Variants in RFC2 observed in about 807,000 individuals in gnomAD.
RFC2 encodes A1 40 kDa subunit.
In RFC2, 34 loss-of-function variants were observed where a neutral mutation model predicts 44.8. The ratio of observed to expected loss-of-function variants is 0.76; its 90% CI spans 0.58 to 1.01. The LOEUF is 1.01. RFC2 is among the 50% of genes least tolerant of loss of function. The probability of loss-of-function intolerance (pLI) is 0.00; values close to 1 mark genes in which losing one functional copy is unlikely to be tolerated. For synonymous variants in RFC2, 177 were observed against 168.9 expected, an observed-to-expected ratio of 1.05 and a Z score of -0.37; for missense variants, 400 against 453.6, an observed-to-expected ratio of 0.88 and a Z score of 1.07.
chr7:74,247,706 C>T (rs974289048), intron 4 of RFC2, among the ~76,000 whole-genome samples: 1 of 152,138 alleles, frequency 6.6e-6, no homozygotes, highest in African/African-American at 2.4e-5. Flanking sequence ...CCAATAGCAA[C>T]ATTCTAAATG....
At chr7:74,241,338 C>A (rs1803318947) in intron 6 of RFC2, among the ~76,000 whole-genome samples, 4 of 152,172 alleles carry the variant, frequency 2.6e-5, no homozygotes, top group Admixed American at 1.3e-4. Flanking sequence ...TGGTGCCTGG[C>A]GGCTACTAAG....
At chr7:74,235,675 A>C (rs782222771) in intron 9 of RFC2, 30 bp from the exon 10 acceptor site, 52 of 1,404,466 alleles carry the variant, frequency 3.7e-5, no homozygotes, top group Non-Finnish European at 4.9e-5. Context: ...AAGGCTGCTT[A>C]CCACTTTAAA....
At chr7:74,245,714 CAAA>C (rs1182981268) in intron 5 of RFC2, among the ~76,000 whole-genome samples, 5 of 65,868 alleles carry the variant, frequency 7.6e-5, no homozygotes, top group Non-Finnish European at 1.0e-4. Flanking sequence ...CTCCGTCTCA[CAAA>C]AAAAAAAAAA....
chr7:74,240,796 C>T (rs1200020685), intron 6 of RFC2, among the ~76,000 whole-genome samples: 1 of 152,188 alleles, frequency 6.6e-6, no homozygotes, highest in Non-Finnish European at 1.5e-5. Flanking sequence ...AACCCAGTTT[C>T]TTTCTTTTTT....
chr7:74,247,006 C>T (rs1402200770), intron 4 of RFC2, among the ~76,000 whole-genome samples: 2 of 144,178 alleles, frequency 1.4e-5, no homozygotes, highest in African/African-American at 2.6e-5. Context: ...GACAGGGTCT[C>T]GCTGTGTCAT....
rs143077432 is a variant in RFC2 at position 74,243,201 on chromosome 7, G to T, written c.480C>A (p.Ile160=). 6.2e-6 allele frequency: 10 copies of T among 1,613,902 alleles called. No individual in the cohort carries two copies. Among genetic ancestry groups the T allele is most frequent in the Middle Eastern group, 1.6e-4 (1 of 6,084 alleles). Residue 160 remains isoleucine, a synonymous_variant, in exon 6 of 11, where the codon ATC becomes ATA. Transcript: ENST00000055077. Reference sequence around the variant, plus strand: ...GGGCGAAGCGAGTGGTTTTAGAGTAGATTTCCATGGTTCTCCTCAAGGCTT... The same window carrying T: ...GGGCGAAGCGAGTGGTTTTAGAGTATATTTCCATGGTTCTCCTCAAGGCTT... ...AQQALRRTME[I]YSKTTRFALA... is the part of the protein sequence containing the mutation.
chr7:74,232,796 C>T (rs1249486572), intron 10 of RFC2, among the ~76,000 whole-genome samples: 1 of 151,884 alleles, frequency 6.6e-6, no homozygotes, highest in Admixed American at 6.6e-5. Context: ...ACCTGGGAGG[C>T]GAAGGTTGCA....
In RFC2 at chr7:74,240,012, C is replaced by A; in HGVS notation, c.619G>T (p.Glu207Ter). 1 of 1,614,008 alleles carries A rather than the reference C, an allele frequency of 6.2e-7. No individual in the cohort carries two copies. The highest frequency in any genetic ancestry group is 8.5e-7 in the Non-Finnish European group (1 of 1,179,942). The change falls in exon 7 of 11, where the codon GAG (glutamate) becomes TAG (stop). Residue 207 changes from glutamate to a stop codon, truncating the protein, a stop_gained. Coordinates refer to ENST00000055077, the MANE Select transcript of RFC2 (RefSeq NM_181471.3). LOFTEE classifies it high-confidence loss of function. ...QILTRLMNVIEKERVPYTDDG... is the reference protein window; with the variant it reads ...QILTRLMNVI ...TCAGTGTAGGGTACCCTCTCCTTCT[C>A]GATAACATTCATCAGCCTGGTGAGG...
intron 7 of RFC2, 104 bp from the exon 8 acceptor site, chr7:74,239,092 G>T (rs1554718849): frequency 2.3e-6 from 2 of 882,116 alleles, no homozygotes; most frequent in African/African-American, 3.4e-5. Context: ...CGAACTCCTG[G>T]GCTTAAGCGA....
At chr7:74,247,865 C>T (rs1788850062) in intron 4 of RFC2, among the ~76,000 whole-genome samples, 1 of 152,154 alleles carries the variant, frequency 6.6e-6, no homozygotes, top group African/African-American at 2.4e-5. Flanking sequence ...GGTGCTAGGC[C>T]CTTCCTCAGA....
At chr7:74,243,378 C>T in intron 5 of RFC2, 132 bp from the exon 6 acceptor site, 1 of 648,866 alleles carries the variant, frequency 1.5e-6, no homozygotes, top group Non-Finnish European at 2.8e-6. Flanking sequence ...GTACGCAGGC[C>T]ATCCCTCTAA....
At chr7:74,243,061 G>C in intron 6 of RFC2, 85 bp downstream of exon 6, 2 of 872,488 alleles carry the variant, frequency 2.3e-6, no homozygotes, top group African/African-American at 1.7e-5. Flanking sequence ...TCCAGCCTGA[G>C]CGAAGAGGGA....
At chr7:74,253,510 A>T (rs1442479408) in intron 1 of RFC2, 1 of 152,256 alleles carries the variant, frequency 6.6e-6, no homozygotes, top group Non-Finnish European at 1.5e-5. Context: ...GGATCACTTG[A>T]GATCAGGACT....
At chr7:74,247,296 G>A (rs1428114838) in intron 4 of RFC2, among the ~76,000 whole-genome samples, 1 of 152,012 alleles carries the variant, frequency 6.6e-6, no homozygotes, top group Non-Finnish European at 1.5e-5. Context: ...CAACAGGAAA[G>A]AGAAAAAAAT....
At chr7:74,248,560 G>A (rs1366493195) in intron 4 of RFC2, among the ~76,000 whole-genome samples, 2 of 151,548 alleles carry the variant, frequency 1.3e-5, no homozygotes, top group East Asian at 3.9e-4. Context: ...AGTGCTCAAC[G>A]GTGCGATCTC....
At chr7:74,252,627 G>T in intron 1 of RFC2, 129 bp from the exon 2 acceptor site, 1 of 677,866 alleles carries the variant, frequency 1.5e-6, no homozygotes, top group Non-Finnish European at 2.7e-6. Context: ...CCAAATGGTT[G>T]CAAGTTTTAA....
At chr7:74,239,170 CTTTTTTTTTTT>C (rs34664628) in intron 7 of RFC2, among the ~76,000 whole-genome samples, 182 bp from the exon 8 acceptor site, 13 of 107,974 alleles carry the variant, frequency 1.2e-4, no homozygotes, top group Admixed American at 1.9e-4. Context: ...CCAAGGGTGA[CTTTTTTTTTTT>C]TTTTTTTTTT....
chr7:74,246,358 C>G (rs1478592686), intron 5 of RFC2, among the ~76,000 whole-genome samples: 3 of 148,812 alleles, frequency 2.0e-5, no homozygotes, highest in Non-Finnish European at 4.4e-5. Flanking sequence ...GAGATCACAC[C>G]ACTATACTCC....
chr7:74,246,014 G>A (rs1584259096), intron 5 of RFC2, among the ~76,000 whole-genome samples: 1 of 151,828 alleles, frequency 6.6e-6, no homozygotes, highest in Middle Eastern at 3.4e-3. Flanking sequence ...GGCTAACATG[G>A]TGAAACCCCT....
Sources: gnomAD v4.1 joint callset for allele counts (sites outside exome capture counted in the v4.1 genomes callset) on GRCh38, gnomAD v4.1.1 for gene constraint, MANE v1.5 for transcripts, NCBI Gene and HGNC (gene_info 2026-07-23, HGNC 2026-07-21) for gene names.